DLGAP2: variants seen among roughly 807,000 people sequenced by gnomAD.
The protein encoded by DLGAP2 is disks large-associated protein 2.
In DLGAP2, 26 loss-of-function variants were observed where a neutral mutation model predicts 100.3. The ratio of observed to expected loss-of-function variants is 0.26; its 90% CI spans 0.19 to 0.36. The LOEUF (loss-of-function observed/expected upper bound fraction) is 0.36, where lower values mean the gene tolerates loss of function less well. DLGAP2 is among the 10% of genes least tolerant of loss of function. The pLI is 1.00. For synonymous variants in DLGAP2, 886 were observed against 630.1 expected (o/e 1.41, Z -6.08); for missense variants, 1,858 against 1,453.2 (o/e 1.28, Z -4.53).
At chr8:1,238,413 A>C (rs1238374652) in intron 2 of DLGAP2, among the ~76,000 whole-genome samples, 113 of 42,274 alleles carry the variant, frequency 2.7e-3, no homozygotes, top group Admixed American at 3.3e-3. Flanking sequence ...ATGTCTAGTT[A>C]TCTCACATGG....
chr8:1,498,901 A>T lies in DLGAP2; in HGVS notation c.107-2465A>T, dbSNP rs1799624561. Among the ~76,000 whole-genome samples, 15 of 152,216 alleles carry T rather than the reference A, an allele frequency of 9.9e-5. 1 individual carries two copies. The South Asian group carries it at 2.9e-3, about 29-fold the overall frequency. On this transcript the variant is annotated intron_variant, in intron 3 of 14. Coordinates refer to ENST00000637795, the MANE Select transcript of DLGAP2 (RefSeq NM_001346810.2). ...CACACATGCTGCATTAAGCTCTCCC[A>T]GCTAGAAGGCCACACCGCACTCGGA...
chr8:1,070,224 G>T lies in DLGAP2; in HGVS notation c.73+162258G>T, dbSNP rs79393297. Among the ~76,000 whole-genome samples the T allele has an allele frequency of 8.2e-3, 1,251 of 152,202 alleles. 25 individuals carry two copies. Among genetic ancestry groups the T allele is most frequent in the African/African-American group, 0.028 (1,149 of 41,508 alleles). ...TTTCTTGCCTCCTTTCCTGAGTTCT[G>T]TGTTGTCTTAAATGGGAGAAGGAGA... On this transcript the variant is annotated intron_variant, in intron 2 of 14. Coordinates refer to ENST00000637795, the MANE Select transcript of DLGAP2 (RefSeq NM_001346810.2).
At chr8:758,101 G>C (rs1473574018) in intron 1 of DLGAP2, among the ~76,000 whole-genome samples, 1 of 152,228 alleles carries the variant, frequency 6.6e-6, no homozygotes, top group Non-Finnish European at 1.5e-5. Context: ...GGAAAGATCA[G>C]AATGAAAATG....
At chr8:1,483,168 A>G (rs1032010252) in intron 3 of DLGAP2, among the ~76,000 whole-genome samples, 2 of 152,114 alleles carry the variant, frequency 1.3e-5, no homozygotes, top group African/African-American at 4.8e-5. Context: ...GTTTGCAGGG[A>G]GTGATCTGTG....
intron 2 of DLGAP2, among the ~76,000 whole-genome samples, chr8:1,126,172 C>T (rs2167503): frequency 0.29 from 44,078 of 152,162 alleles, 7,330 homozygotes; most frequent in Admixed American, 0.44. Context: ...GCAGATGGGC[C>T]ACCTGCTCCA....
At chr8:1,436,996 A>T (rs1360375012) in intron 3 of DLGAP2, among the ~76,000 whole-genome samples, 1 of 152,252 alleles carries the variant, frequency 6.6e-6, no homozygotes, top group East Asian at 1.9e-4. Flanking sequence ...CGTTCGGCCC[A>T]GGCGTGTAGG....
chr8:1,564,292 A>G (rs538119518), intron 5 of DLGAP2, among the ~76,000 whole-genome samples: 1 of 152,180 alleles, frequency 6.6e-6, no homozygotes, highest in African/African-American at 2.4e-5. Flanking sequence ...TTCCAGTTCC[A>G]TGACTTTTTG....
rs555584529 is a variant in DLGAP2, at chr8:1,442,674, C to T, written c.107-58692C>T. 1.8e-4 allele frequency among the ~76,000 whole-genome samples: 27 copies of T among 148,108 alleles called. 2 individuals carry two copies. Among genetic ancestry groups the T allele is most frequent in the African/African-American group, 5.5e-4 (22 of 39,694 alleles). On this transcript the variant is annotated intron_variant, in intron 3 of 14. Transcript: ENST00000637795. ...GAGGAGACGGATCCGGGCATAGACCCGCCAGGCTGCTGTGGGTTCATCCAC... is the reference window on the plus strand; with the variant it reads ...GAGGAGACGGATCCGGGCATAGACCTGCCAGGCTGCTGTGGGTTCATCCAC...
intron 4 of DLGAP2, among the ~76,000 whole-genome samples, chr8:1,522,654 C>G (rs916997965): frequency 5.9e-5 from 9 of 152,200 alleles, no homozygotes; most frequent in African/African-American, 2.2e-4. Flanking sequence ...CCAGCAGAAC[C>G]TGGGAGCTGA....
At chr8:1,000,924 T>C (rs1455360635) in intron 2 of DLGAP2, among the ~76,000 whole-genome samples, 4 of 151,518 alleles carry the variant, frequency 2.6e-5, no homozygotes, top group Non-Finnish European at 5.9e-5. Flanking sequence ...CCTCCGAGAG[T>C]GCCTGGGAGC....
intron 6 of DLGAP2, chr8:1,619,595 G>T (rs560777402): frequency 1.3e-5 from 2 of 152,116 alleles, no homozygotes; most frequent in Admixed American, 6.6e-5. Context: ...CTAAAATCTC[G>T]AGTCACAATA....
intron 3 of DLGAP2, among the ~76,000 whole-genome samples, chr8:1,474,024 T>C (rs6995634): frequency 0.48 from 73,655 of 151,886 alleles, 18,071 homozygotes; most frequent in East Asian, 0.68. Context: ...CAATGTGTAG[T>C]CTTTTATCCT....
intron 3 of DLGAP2, among the ~76,000 whole-genome samples, chr8:1,277,718 G>C (rs977979084): frequency 1.3e-5 from 2 of 152,140 alleles, no homozygotes; most frequent in African/African-American, 4.8e-5. Flanking sequence ...ACCGAGGTCG[G>C]GGCAGGAATC....
intron 3 of DLGAP2, among the ~76,000 whole-genome samples, chr8:1,271,174 A>G: frequency 6.6e-6 from 1 of 152,182 alleles, no homozygotes; most frequent in East Asian, 1.9e-4. Flanking sequence ...AAACATGTGA[A>G]AAGGAGAAAA....
intron 2 of DLGAP2, among the ~76,000 whole-genome samples, chr8:1,161,471 C>T (rs914397831): frequency 2.6e-5 from 4 of 152,158 alleles, no homozygotes; most frequent in Non-Finnish European, 4.4e-5. Context: ...TGCAAACTGG[C>T]CTAAGAGTGA....
intron 2 of DLGAP2, among the ~76,000 whole-genome samples, chr8:1,078,674 GA>G (rs142975910): frequency 0.029 from 4,388 of 152,256 alleles, 187 homozygotes; most frequent in African/African-American, 0.1. Context: ...AACCTTTTCA[GA>G]TGGGCTTTTT....
At chr8:1,566,794 G>T (rs568021444) in intron 6 of DLGAP2, among the ~76,000 whole-genome samples, 2 of 152,174 alleles carry the variant, frequency 1.3e-5, no homozygotes, top group Non-Finnish European at 2.9e-5. Flanking sequence ...GTTATTCATC[G>T]CTGTTGGCTT....
intron 3 of DLGAP2, among the ~76,000 whole-genome samples, chr8:1,281,734 C>A (rs959512445): frequency 2.0e-5 from 3 of 152,194 alleles, no homozygotes; most frequent in African/African-American, 7.2e-5. Flanking sequence ...TGTCCTAGCT[C>A]CTTGAAAGCC....
rs183898785 is a variant in DLGAP2, at chr8:1,187,589, G to A, written c.74-71262G>A. 1.0e-2 allele frequency among the ~76,000 whole-genome samples: 1,443 copies of A among 144,770 alleles called. 16 individuals are homozygous for A. The highest frequency in any genetic ancestry group is 0.036 in the African/African-American group (1,385 of 38,890). The allele number at this position is 144,770 out of a possible 152,430, so 95.0% of individuals were successfully genotyped here. ...GGAATCTCGCACGCCCGGGACCTCCGTGACGTTTCCCTCACGGAATCTCAC... is the reference window on the plus strand; with the variant it reads ...GGAATCTCGCACGCCCGGGACCTCCATGACGTTTCCCTCACGGAATCTCAC... On this transcript the variant is annotated intron_variant, in intron 2 of 14. Coordinates refer to ENST00000637795, the MANE Select transcript of DLGAP2 (RefSeq NM_001346810.2).
Sources: gnomAD v4.1 joint callset for allele counts (sites outside exome capture counted in the v4.1 genomes callset) on GRCh38, gnomAD v4.1.1 for gene constraint, MANE v1.5 for transcripts, NCBI Gene and HGNC (gene_info 2026-07-23, HGNC 2026-07-21) for gene names.